The following UBE2U variants were observed in gnomAD, a reference collection of about 807,000 sequenced individuals.
UBE2U encodes ubiquitin-conjugating enzyme E2 U.
Under a neutral mutation model 41.2 loss-of-function variants are expected in UBE2U, and 39 were observed. The observed-to-expected ratio is 0.95, with a 90% CI of 0.73 to 1.24. The LOEUF (loss-of-function observed/expected upper bound fraction) is 1.24, where lower values mean the gene tolerates loss of function less well. Ranked by LOEUF, UBE2U falls within the 50% of genes most tolerant of loss-of-function variation. The pLI is 0.00. For synonymous variants in UBE2U, 107 were observed against 117.8 expected (o/e 0.91, Z 0.60); for missense variants, 336 against 363.1 (o/e 0.93, Z 0.61).
chr1:64,267,177 A>G lies in UBE2U; in HGVS notation c.923A>G (p.Asn308Ser). Residue 308 changes from asparagine to serine, a missense_variant, in exon 10 of 10, where the codon AAT (asparagine) becomes AGT (serine). Coordinates refer to ENST00000371077, the MANE Select transcript of UBE2U (RefSeq NM_001366232.2). ...GTGGAAGATCTGATCTCCTGGACCA[A>G]TACTCTCAATACAAATACTTCAGAA... is the stretch of plus-strand genomic sequence containing the variant. ...EEVEDLISWT[N>S]TLNTNTSED The G allele has an allele frequency of 1.3e-6, 2 of 1,534,534 alleles. No individual in the cohort carries two copies. Among genetic ancestry groups the G allele is most frequent in the Non-Finnish European group, 1.7e-6 (2 of 1,142,944 alleles).
chr1:64,242,701 A>G (rs560936024), intron 8 of UBE2U, among the ~76,000 whole-genome samples: 16 of 152,210 alleles, frequency 1.1e-4, no homozygotes, highest in African/African-American at 3.9e-4. Flanking sequence ...TTCTGTAACA[A>G]CTTTCTTTCA....
intron 5 of UBE2U, among the ~76,000 whole-genome samples, chr1:64,219,800 A>G (rs1263240718): frequency 6.6e-6 from 1 of 152,002 alleles, no homozygotes; most frequent in Non-Finnish European, 1.5e-5. Context: ...AGGTTTCACC[A>G]TGTTAACCAG....
chr1:64,258,322 C>T (rs1318862576), intron 8 of UBE2U, among the ~76,000 whole-genome samples: 1 of 151,884 alleles, frequency 6.6e-6, no homozygotes, highest in Non-Finnish European at 1.5e-5. Flanking sequence ...GTGACAAAAA[C>T]GTTTCTTTTT....
chr1:64,204,181 C>T, intron 1 of UBE2U, 65 bp downstream of exon 1: 2 of 1,478,406 alleles, frequency 1.4e-6, no homozygotes, highest in South Asian at 1.2e-5. Flanking sequence ...GCAGTTTAAC[C>T]CATTTTATTC....
At chr1:64,241,618 T>G (rs1356230907) in intron 7 of UBE2U, 34 bp from the exon 8 acceptor site, 1 of 1,463,526 alleles carries the variant, frequency 6.8e-7, no homozygotes, top group South Asian at 1.2e-5. Flanking sequence ...AAAGAATGTA[T>G]GTATAGCTTC....
chr1:64,242,401 G>C (rs916837625), intron 8 of UBE2U, among the ~76,000 whole-genome samples: 1 of 152,012 alleles, frequency 6.6e-6, no homozygotes, highest in African/African-American at 2.4e-5. Flanking sequence ...CTCATTCCAA[G>C]GTACTCTGAG....
intron 8 of UBE2U, among the ~76,000 whole-genome samples, chr1:64,243,072 T>G (rs538402902): frequency 6.6e-6 from 1 of 152,268 alleles, no homozygotes; most frequent in East Asian, 1.9e-4. Context: ...TGTGAGCTGT[T>G]TGAGTGCTGG....
At chr1:64,259,345 G>T (rs772215106) in intron 8 of UBE2U, among the ~76,000 whole-genome samples, 32 of 152,032 alleles carry the variant, frequency 2.1e-4, no homozygotes, top group Admixed American at 1.8e-3. Context: ...CATTTGTCAA[G>T]TTTGGCTTTT....
chr1:64,221,399 C>T (rs1405183924), intron 6 of UBE2U, among the ~76,000 whole-genome samples: 1 of 152,168 alleles, frequency 6.6e-6, no homozygotes, highest in Non-Finnish European at 1.5e-5. Context: ...AGACGTGAGC[C>T]ACTGTGCCCG....
chr1:64,241,857 C>T (rs561135455), intron 8 of UBE2U, 124 bp downstream of exon 8: 1 of 637,286 alleles, frequency 1.6e-6, no homozygotes, highest in East Asian at 2.9e-5. Context: ...ACCCTTTTCT[C>T]AGTATAAGAA....
At chr1:64,230,582 A>G (rs1356857544) in intron 6 of UBE2U, among the ~76,000 whole-genome samples, 1 of 151,216 alleles carries the variant, frequency 6.6e-6, no homozygotes, top group Non-Finnish European at 1.5e-5. Flanking sequence ...CCCTTGGCCT[A>G]CAGTGCCCCC....
intron 6 of UBE2U, among the ~76,000 whole-genome samples, chr1:64,231,723 T>C (rs1644569992): frequency 1.3e-5 from 2 of 152,220 alleles, no homozygotes; most frequent in Admixed American, 6.5e-5. Context: ...AATGCTAATA[T>C]ACTTGTTCTG....
At position 64,267,208 on chromosome 1, in the gene UBE2U, A is replaced by G; in HGVS notation, c.954A>G (p.Ter318=). The G allele has an allele frequency of 6.6e-7, 1 of 1,508,390 alleles. No individual in the cohort carries two copies. Among genetic ancestry groups the G allele is most frequent in the Non-Finnish European group, 8.8e-7 (1 of 1,131,116 alleles). 93.4% of individuals were successfully genotyped at this position (1,508,390 alleles called of 1,614,324 possible). A position where few individuals can be genotyped will look rare whatever the true frequency, so the allele number is the denominator to read the frequency against. The change falls in exon 10 of 10, where the codon TAA becomes TAG. Residue 318 remains the stop codon, a stop_retained_variant. Coordinates refer to ENST00000371077, the MANE Select transcript of UBE2U (RefSeq NM_001366232.2). Reference sequence around the variant, plus strand: ...TCAATACAAATACTTCAGAAGATTAAGCAGAACATTATCAGATTCAAAAAA... The same window carrying G: ...TCAATACAAATACTTCAGAAGATTAGGCAGAACATTATCAGATTCAAAAAA... ...NTLNTNTSED[*] is the part of the protein sequence containing the mutation.
chr1:64,212,895 A>C (rs1176580478), intron 4 of UBE2U, among the ~76,000 whole-genome samples: 1 of 152,154 alleles, frequency 6.6e-6, no homozygotes, highest in Non-Finnish European at 1.5e-5. Flanking sequence ...GTTGCCAAAT[A>C]TATCATGGAA....
At chr1:64,246,480 T>C (rs2100485915) in intron 8 of UBE2U, among the ~76,000 whole-genome samples, 1 of 152,312 alleles carries the variant, frequency 6.6e-6, no homozygotes, top group South Asian at 2.1e-4. Flanking sequence ...ATGCATTTTT[T>C]AAGGAGTGCT....
chr1:64,221,270 C>T (rs1028796841), intron 6 of UBE2U, among the ~76,000 whole-genome samples: 4 of 152,072 alleles, frequency 2.6e-5, no homozygotes, highest in African/African-American at 9.7e-5. Context: ...TTCCACCACA[C>T]CCGGCTAATT....
intron 5 of UBE2U, among the ~76,000 whole-genome samples, chr1:64,220,395 T>G (rs1231888217): frequency 1.3e-5 from 2 of 152,214 alleles, no homozygotes; most frequent in African/African-American, 4.8e-5. Context: ...CTGTTTTGTT[T>G]CTACTGTCCT....
intron 2 of UBE2U, 59 bp downstream of exon 2, chr1:64,205,779 A>G: frequency 2.1e-6 from 3 of 1,402,454 alleles, no homozygotes; most frequent in East Asian, 4.6e-5. Flanking sequence ...TTATTAGCCC[A>G]TCCTCTTTTT....
chr1:64,236,319 T>C (rs1256221015), intron 7 of UBE2U, among the ~76,000 whole-genome samples: 3 of 152,212 alleles, frequency 2.0e-5, no homozygotes, highest in Admixed American at 2.0e-4. Flanking sequence ...TTGCTCTTTC[T>C]CTGATACTCT....
Sources: allele counts gnomAD v4.1 joint callset (sites outside exome capture counted in the v4.1 genomes callset), GRCh38; gene constraint gnomAD v4.1.1; transcripts MANE v1.5; gene names NCBI Gene and HGNC (gene_info 2026-07-23, HGNC 2026-07-21).